The following HDAC7 variants were observed in gnomAD, a reference collection of about 807,000 sequenced individuals.
HDAC7 encodes histone deacetylase 7A.
Under a neutral mutation model 115.5 loss-of-function variants are expected in HDAC7, and 26 were observed. That is an observed-to-expected ratio of 0.23 (90% CI 0.16 to 0.31). HDAC7 has a LOEUF of 0.31. Among genes scored for constraint, HDAC7 ranks in the 10% least tolerant of loss-of-function variants. The pLI, the probability that HDAC7 is intolerant of heterozygous loss-of-function variation, is 1.00. For missense variants in HDAC7, 1,068 were observed against 1,329.0 expected (o/e 0.80, Z 3.05); for synonymous variants, 564 against 550.9 (o/e 1.02, Z -0.33).
Position 47,789,250 on chromosome 12 carries a change from C to A in HDAC7, c.2235+11G>T. 3 of 1,608,764 alleles carry A rather than the reference C, an allele frequency of 1.9e-6. No homozygotes were observed. Among genetic ancestry groups the A allele is most frequent in the Non-Finnish European group, 2.6e-6 (3 of 1,175,232 alleles). Reference sequence around the variant, plus strand: ...CTCTCGAATTGGAGGGTGCTACGGACAGGCACCTACCCAGTCTACAATGAG... The same window carrying A: ...CTCTCGAATTGGAGGGTGCTACGGAAAGGCACCTACCCAGTCTACAATGAG... On this transcript the variant is annotated intron_variant, in intron 19 of 25. Transcript: ENST00000080059.
chr12:47,817,818 A>G (rs1944890873), intron 1 of HDAC7: 1 of 152,290 alleles, frequency 6.6e-6, no homozygotes, highest in Admixed American at 6.5e-5. Context: ...GTCCTTGGGC[A>G]TGCTTGCCCA....
chr12:47,784,689 A>G, intron 24 of HDAC7: 1 of 1,532,548 alleles, frequency 6.5e-7, no homozygotes, highest in Non-Finnish European at 8.7e-7. Flanking sequence ...ACATGGGAGA[A>G]CTGACCATCA....
Position 47,798,671 on chromosome 12 carries a change from G to A in HDAC7, c.259-19C>T, listed in dbSNP as rs1302168744. The A allele has an allele frequency of 6.2e-7, 1 of 1,606,018 alleles. No individual in the cohort carries two copies. The highest frequency in any genetic ancestry group is 8.5e-7 in the Non-Finnish European group (1 of 1,175,968). ...TGGAGAGCTGTGGGCAGGGCCGGCA[G>A]CCCAGAAAGGGACAAGGAGTTGAGG... On this transcript the variant is annotated intron_variant, in intron 3 of 25. Transcript: ENST00000080059. This position sits in a 1 kb window ranked among gnomAD's most constrained non-coding sequence, Gnocchi z 4.3.
Position 47,795,165 on chromosome 12 carries a change from A to G in HDAC7, c.1284+19T>C. The G allele has an allele frequency of 6.3e-7, 1 of 1,598,648 alleles. No homozygotes were observed. The highest frequency in any genetic ancestry group is 8.6e-7 in the Non-Finnish European group (1 of 1,168,856). ...AGTTAAACACTCCCTCAATACCTCC[A>G]CTGCCCAATTCCTCTCACCTTGATC... On this transcript the variant is annotated intron_variant, in intron 11 of 25. Transcript: ENST00000080059. The surrounding 1 kb of genome is among the most constrained non-coding windows in gnomAD (Gnocchi z 4.3).
In HDAC7 at chr12:47,798,026, A is replaced by G. The variant is rs1943958923; in HGVS notation, c.461+82T>C. 2 of 973,698 alleles carry G rather than the reference A, an allele frequency of 2.1e-6. No homozygotes were observed. Among genetic ancestry groups the G allele is most frequent in the African/African-American group, 1.6e-5 (1 of 60,980 alleles). The allele number at this position is 973,698 out of a possible 1,614,324, so 60.3% of individuals were successfully genotyped here. On this transcript the variant is annotated intron_variant, in intron 5 of 25. Transcript: ENST00000080059. The surrounding 1 kb of genome is among the most constrained non-coding windows in gnomAD (Gnocchi z 4.3). The stretch of plus-strand genomic sequence containing the variant: ...TGTGGCAACTGGGGAGGAAGGAGGC[A>G]AGTGTGTGTGCTCATGGCTAACACG...
rs201356739 is a variant in HDAC7, at chr12:47,785,480, A to G, written c.2707-9T>C. 2.5e-3 allele frequency: 3,974 copies of G among 1,607,822 alleles called. 10 individuals are homozygous for G. The highest frequency in any genetic ancestry group is 3.1e-3 in the Non-Finnish European group (3,697 of 1,176,780). The stretch of plus-strand genomic sequence containing the variant: ...TCTGAAAGGGGATCCACCTATAGAA[A>G]ACAGTACATCAGCCACCAGTCTCTC... On this transcript the variant is annotated splice_polypyrimidine_tract_variant and intron_variant, in intron 23 of 25. Transcript: ENST00000080059.
In HDAC7 at chr12:47,797,855, G is replaced by GGGGTGTGTGTGTGTGTGT. The variant is rs577419391; in HGVS notation, c.461+252_461+253insACACACACACACACACCC. On this transcript the variant is annotated intron_variant, in intron 5 of 25. Transcript: ENST00000080059. This position sits in a 1 kb window ranked among gnomAD's most constrained non-coding sequence, Gnocchi z 5.5. Reference sequence around the variant, plus strand: ...TCATGTGCAAGAAAAAAGCCAGTAGGGTGTGTGTGTGTGTGTGTGTGTGTG... The same window carrying GGGGTGTGTGTGTGTGTGT: ...TCATGTGCAAGAAAAAAGCCAGTAGGGGGTGTGTGTGTGTGTGTGTGTGTGTGTGTGTGTGTGTGTGTG... 8.1e-6 allele frequency among the ~76,000 whole-genome samples: 1 copy of GGGGTGTGTGTGTGTGTGT among 123,876 alleles called. No homozygotes were observed. Among genetic ancestry groups the GGGGTGTGTGTGTGTGTGT allele is most frequent in the African/African-American group, 3.2e-5 (1 of 31,210 alleles). 81.3% of individuals were successfully genotyped at this position (123,876 alleles called of 152,430 possible). A position where few individuals can be genotyped will look rare whatever the true frequency, so the allele number is the denominator to read the frequency against.
rs553788620 is a variant in HDAC7, at chr12:47,797,220, C to T, written c.578-78G>A. ...CCTTTAACCCCTCAGTCCCAGTCAT[C>T]TCTATCGGTCAAGGAAAGAGAAGGC... On this transcript the variant is annotated intron_variant, in intron 6 of 25. Coordinates refer to ENST00000080059, the MANE Select transcript of HDAC7 (RefSeq NM_015401.5). The surrounding 1 kb of genome is among the most constrained non-coding windows in gnomAD (Gnocchi z 5.5). 7 of 1,561,444 alleles carry T rather than the reference C, an allele frequency of 4.5e-6. No individual in the cohort carries two copies. In the Admixed American group the frequency reaches 5.4e-5, roughly 12 times the overall value.
rs781286336 is a variant in HDAC7, at chr12:47,789,871, C to T, written c.2033G>A (p.Arg678His). The change falls in exon 17 of 26, where the codon CGC (arginine) becomes CAC (histidine). Residue 678 changes from arginine to histidine, a missense_variant. Around this residue, in one of 6 missense-constraint regions of HDAC7, gnomAD observed 182 missense variants for 301.1 expected, o/e 0.60. Transcript: ENST00000080059. The stretch of plus-strand genomic sequence containing the variant: ...GTCAGTGACACTGCCAGCGGCCCAG[C>T]GGGCTGCATTGGAGGAATGAAGCTC... ...WNELHSSNAA[R>H]WAAGSVTDLA... 5 of 1,613,686 alleles carry T rather than the reference C, an allele frequency of 3.1e-6. No homozygotes were observed. The highest frequency in any genetic ancestry group is 2.2e-5 in the South Asian group (2 of 91,092).
At position 47,797,255 on chromosome 12, in the gene HDAC7, A is replaced by G; in HGVS notation, c.578-113T>C. The stretch of plus-strand genomic sequence containing the variant: ...CAAGGAAAGAGAAGGCAGAACTAGA[A>G]AGAAGATCCTAGCCTACCGATGATC... On this transcript the variant is annotated intron_variant, in intron 6 of 25. Coordinates refer to ENST00000080059, the MANE Select transcript of HDAC7 (RefSeq NM_015401.5). This position sits in a 1 kb window ranked among gnomAD's most constrained non-coding sequence, Gnocchi z 5.5. The G allele has an allele frequency of 6.4e-7, 1 of 1,558,746 alleles. No individual in the cohort carries two copies. Among genetic ancestry groups the G allele is most frequent in the Non-Finnish European group, 8.7e-7 (1 of 1,142,912 alleles).
chr12:47,783,867 C>T lies in HDAC7; in HGVS notation c.2950G>A (p.Glu984Lys), dbSNP rs555014734. The change falls in exon 26 of 26, where the codon GAG becomes AAG. Residue 984 changes from glutamate (E) to lysine (K), a missense_variant. Coordinates refer to ENST00000080059, the MANE Select transcript of HDAC7 (RefSeq NM_015401.5). Reference protein sequence around the residue: ...AEDRPSEQLVEEEEPMNL With the variant: ...AEDRPSEQLVKEEEPMNL ...TAGAGATTCATAGGTTCTTCCTCCT[C>T]CACCAGCTGCTCCGAGGGCCTGTGG... 1.9e-6 allele frequency: 3 copies of T among 1,612,152 alleles called. No individual in the cohort carries two copies. In the East Asian group the frequency reaches 6.7e-5, roughly 36 times the overall value.
In HDAC7 at chr12:47,795,348, C is replaced by T. The variant is rs1943755703; in HGVS notation, c.1120G>A (p.Ala374Thr). The change falls in exon 11 of 26, where the codon GCC (alanine) becomes ACC (threonine). Residue 374 changes from alanine (A) to threonine (T), a missense_variant. Around this residue, in one of 6 missense-constraint regions of HDAC7, gnomAD observed 618 missense variants for 701.5 expected, o/e 0.88. Coordinates refer to ENST00000080059, the MANE Select transcript of HDAC7 (RefSeq NM_015401.5). This position sits in a 1 kb window ranked among gnomAD's most constrained non-coding sequence, Gnocchi z 4.3. ...PGLGPLPFHFAQSLMTTERLS... is the reference protein window; with the variant it reads ...PGLGPLPFHFTQSLMTTERLS... The stretch of plus-strand genomic sequence containing the variant: ...CGCTCGGTGGTCATTAAGGACTGGG[C>T]AAAGTGGAAGGGCAAGGGCCCAAGC... 1 of 1,609,152 alleles carries T rather than the reference C, an allele frequency of 6.2e-7. No homozygotes were observed. The highest frequency in any genetic ancestry group is 8.5e-7 in the Non-Finnish European group (1 of 1,178,366).
intron 15 of HDAC7, 70 bp from the exon 16 acceptor site, chr12:47,791,378 C>T: frequency 6.8e-7 from 1 of 1,471,244 alleles, no homozygotes; most frequent in Non-Finnish European, 9.1e-7. Flanking sequence ...GAGCAGGGAG[C>T]CCAGAGAGCA....
intron 1 of HDAC7, among the ~76,000 whole-genome samples, chr12:47,817,136 G>A (rs1437407277): frequency 6.6e-6 from 1 of 152,218 alleles, no homozygotes; most frequent in Non-Finnish European, 1.5e-5. Flanking sequence ...ATACCCGGCA[G>A]GGTCACCTGC....
Position 47,797,593 on chromosome 12 carries a change from C to T in HDAC7, c.462-94G>A. On this transcript the variant is annotated intron_variant, in intron 5 of 25. Transcript: ENST00000080059. This position sits in a 1 kb window ranked among gnomAD's most constrained non-coding sequence, Gnocchi z 5.5. ...GCCCTGGGACCTGAGGGGGAGGCTG[C>T]AGCGGGCAGGGCTGGGCAATGTGGG... is the stretch of plus-strand genomic sequence containing the variant. The T allele has an allele frequency of 1.1e-6, 1 of 926,836 alleles. No homozygotes were observed. The highest frequency in any genetic ancestry group is 1.6e-6 in the Non-Finnish European group (1 of 609,094). The allele number at this position is 926,836 out of a possible 1,614,324, so 57.4% of individuals were successfully genotyped here.
intron 1 of HDAC7, among the ~76,000 whole-genome samples, chr12:47,809,450 TTTAA>T (rs1409345408): frequency 6.6e-5 from 10 of 152,176 alleles, no homozygotes; most frequent in Admixed American, 3.9e-4. Context: ...GTTATATTAT[TTTAA>T]TTAATTAATA....
At chr12:47,791,777 C>A (rs1943535560) in intron 14 of HDAC7, 71 bp from the exon 15 acceptor site, 1 of 1,593,992 alleles carries the variant, frequency 6.3e-7, no homozygotes, top group Non-Finnish European at 8.6e-7. Flanking sequence ...CCCCATGTGC[C>A]CCTCATCTCT....
In HDAC7 at chr12:47,784,189, C is replaced by T. The variant is rs117979891; in HGVS notation, c.2820G>A (p.Leu940=). The change falls in exon 25 of 26, where the codon CTG becomes CTA. Residue 940 remains leucine, a synonymous_variant. Transcript: ENST00000080059. Reference sequence around the variant, plus strand: ...GCACCCAGGAGTCTGGACAGGAGGCCAGGCGCTGCATGCAGCCCCAGTATT... The same window carrying T: ...GCACCCAGGAGTCTGGACAGGAGGCTAGGCGCTGCATGCAGCCCCAGTATT... The part of the protein sequence containing the change: ...HSKYWGCMQR[L]ASCPDSWVPR... The T allele has an allele frequency of 2.6e-4, 420 of 1,612,834 alleles. 6 individuals carry two copies. The East Asian group carries it at 8.9e-3, about 34-fold the overall frequency.
chr12:47,797,969 G>A lies in HDAC7; in HGVS notation c.461+139C>T, dbSNP rs1332717232. ...TATCAGTTGAGAGAGGGGCTCGGGG[G>A]CATTATGTTTAGAGGAAGGGTAAGG... On this transcript the variant is annotated intron_variant, in intron 5 of 25. Coordinates refer to ENST00000080059, the MANE Select transcript of HDAC7 (RefSeq NM_015401.5). The surrounding 1 kb of genome is among the most constrained non-coding windows in gnomAD (Gnocchi z 5.5). The A allele has an allele frequency of 7.0e-6, 5 of 710,048 alleles. No individual in the cohort carries two copies. Among genetic ancestry groups the A allele is most frequent in the Non-Finnish European group, 7.7e-6 (3 of 387,974 alleles). The allele number at this position is 710,048 out of a possible 1,614,324, so 44.0% of individuals were successfully genotyped here.
Sources: allele counts gnomAD v4.1 joint callset (sites outside exome capture counted in the v4.1 genomes callset), GRCh38; gene constraint gnomAD v4.1.1; regional missense constraint gnomAD v4.1.1; non-coding constraint Gnocchi (gnomAD v3.1); transcripts MANE v1.5; gene names NCBI Gene and HGNC (gene_info 2026-07-23, HGNC 2026-07-21).